CDK19: variants seen among roughly 807,000 people sequenced by gnomAD.
CDK19 encodes the protein cyclin-dependent kinase 19.
A neutral mutation model predicts 68.3 loss-of-function variants in CDK19; 20 were observed. The ratio of observed to expected loss-of-function variants is 0.29; its 90% CI spans 0.21 to 0.43. The LOEUF is 0.43. Among genes scored for constraint, CDK19 ranks in the 20% least tolerant of loss-of-function variants. The pLI is 1.00. For missense variants in CDK19, 339 were observed against 623.5 expected (o/e 0.54, Z 4.86); for synonymous variants, 221 against 222.8 (o/e 0.99, Z 0.07).
intron 1 of CDK19, among the ~76,000 whole-genome samples, chr6:110,800,170 G>T (rs1359244902): frequency 6.6e-6 from 1 of 152,136 alleles, no homozygotes; most frequent in Non-Finnish European, 1.5e-5. Context: ...TAAAAATTGG[G>T]AAGTAGCAAT....
Position 110,815,417 on chromosome 6 carries a change from T to A in CDK19, c.-281A>T. On this transcript the variant is annotated 5_prime_UTR_variant, in exon 1 of 13. An upstream open reading frame in the 5' UTR gains an earlier in-frame stop. Transcript: ENST00000368911. ...GCCTCCCTCCTTCATTTCCTTGTTT[T>A]GGAACCTGGTGGGCCGCGCCGTGGC... The A allele has an allele frequency of 3.5e-6, 1 of 285,112 alleles. No homozygotes were observed. Among genetic ancestry groups the A allele is most frequent in the Non-Finnish European group, 6.5e-6 (1 of 154,710 alleles). 17.7% of individuals were successfully genotyped at this position (285,112 alleles called of 1,614,324 possible).
intron 1 of CDK19, among the ~76,000 whole-genome samples, chr6:110,795,692 G>T (rs1216717579): frequency 7.2e-5 from 11 of 152,010 alleles, no homozygotes; most frequent in East Asian, 1.9e-4. Context: ...AGATATTAAG[G>T]ACCAAGATTT....
chr6:110,786,182 G>T (rs1189307541), intron 1 of CDK19, among the ~76,000 whole-genome samples: 2 of 152,056 alleles, frequency 1.3e-5, no homozygotes, highest in Admixed American at 6.6e-5. Context: ...CATTTTGCCA[G>T]CTTGTCTAAC....
chr6:110,801,212 G>C (rs1388749416), intron 1 of CDK19, among the ~76,000 whole-genome samples: 1 of 152,104 alleles, frequency 6.6e-6, no homozygotes, highest in Non-Finnish European at 1.5e-5. Flanking sequence ...GGGGGAAGGA[G>C]CTGGCTCACA....
intron 1 of CDK19, among the ~76,000 whole-genome samples, chr6:110,810,500 TA>T (rs1362753187): frequency 6.6e-6 from 1 of 152,054 alleles, no homozygotes; most frequent in Non-Finnish European, 1.5e-5. Context: ...CATGGCCAGG[TA>T]AGGTGGCTCA....
At chr6:110,765,492 C>A (rs981143838) in intron 1 of CDK19, among the ~76,000 whole-genome samples, 41 of 152,060 alleles carry the variant, frequency 2.7e-4, no homozygotes, top group African/African-American at 9.9e-4. Flanking sequence ...TCCTGCCCAA[C>A]AACATGGTGA....
intron 1 of CDK19, among the ~76,000 whole-genome samples, chr6:110,781,840 G>GAA (rs375862176): frequency 2.1e-4 from 21 of 101,298 alleles, no homozygotes; most frequent in Admixed American, 1.3e-3. Flanking sequence ...TGTCTCAAAT[G>GAA]AAAAAAAAAA....
intron 2 of CDK19, among the ~76,000 whole-genome samples, chr6:110,692,807 G>T (rs568639691): frequency 6.6e-6 from 1 of 152,278 alleles, no homozygotes. Context: ...GACCAGCCTG[G>T]CCAACATGGC....
chr6:110,720,686 G>C (rs1775800071), intron 2 of CDK19, among the ~76,000 whole-genome samples: 1 of 151,950 alleles, frequency 6.6e-6, no homozygotes, highest in Non-Finnish European at 1.5e-5. Flanking sequence ...GGCCAACATG[G>C]TGAAACCCTG....
chr6:110,628,312 A>G (rs1046838807), intron 6 of CDK19, among the ~76,000 whole-genome samples: 1 of 152,232 alleles, frequency 6.6e-6, no homozygotes, highest in African/African-American at 2.4e-5. Flanking sequence ...AAACAAGGAA[A>G]AAGGTTAATT....
chr6:110,662,953 G>A (rs1781706643), intron 4 of CDK19, among the ~76,000 whole-genome samples: 1 of 151,818 alleles, frequency 6.6e-6, no homozygotes, highest in African/African-American at 2.4e-5. Context: ...TTAAATTCTA[G>A]GATTCGAATG....
At chr6:110,773,945 C>CAA (rs1418913284) in intron 1 of CDK19, 2 of 152,138 alleles carry the variant, frequency 1.3e-5, no homozygotes, top group Non-Finnish European at 2.9e-5. Flanking sequence ...AATCTATGAA[C>CAA]ACAGCAGAGG....
intron 2 of CDK19, among the ~76,000 whole-genome samples, chr6:110,733,390 G>A (rs1776908750): frequency 6.6e-6 from 1 of 152,084 alleles, no homozygotes; most frequent in South Asian, 2.1e-4. Context: ...GGGCTATTAT[G>A]AATAAAGCTG....
intron 5 of CDK19, among the ~76,000 whole-genome samples, chr6:110,634,902 G>A (rs571535223): frequency 3.3e-5 from 5 of 152,148 alleles, no homozygotes; most frequent in East Asian, 3.9e-4. Context: ...CTACTCACTC[G>A]CAGATGCAAT....
chr6:110,815,698 T>A (rs995431034), upstream of CDK19: 1 of 152,472 alleles, frequency 6.6e-6, no homozygotes, highest in Non-Finnish European at 1.5e-5. Context: ...CAGTGTGCTT[T>A]CTGCGGTTCT....
At chr6:110,776,096 T>C (rs1255032210) in intron 1 of CDK19, among the ~76,000 whole-genome samples, 4 of 152,238 alleles carry the variant, frequency 2.6e-5, no homozygotes, top group Non-Finnish European at 5.9e-5. Context: ...CAGTGCATTC[T>C]ATTTAAATTA....
At chr6:110,704,109 G>C (rs1774238021) in intron 2 of CDK19, among the ~76,000 whole-genome samples, 1 of 152,202 alleles carries the variant, frequency 6.6e-6, no homozygotes, top group African/African-American at 2.4e-5. Flanking sequence ...GTCAAAGGAT[G>C]TGTTTGTTCT....
At chr6:110,783,562 C>T (rs753700806) in intron 1 of CDK19, among the ~76,000 whole-genome samples, 20 of 149,052 alleles carry the variant, frequency 1.3e-4, no homozygotes, top group Non-Finnish European at 2.5e-4. Flanking sequence ...CGCATGAACC[C>T]AGGAGGTGGA....
chr6:110,640,897 G>C (rs1997009), intron 4 of CDK19, among the ~76,000 whole-genome samples: 42,827 of 152,074 alleles, frequency 0.28, 6,557 homozygotes, highest in African/African-American at 0.4. Context: ...GTCGAGGCTA[G>C]AGTGAGCTGT....
Sources: gnomAD v4.1 joint callset for allele counts (sites outside exome capture counted in the v4.1 genomes callset) on GRCh38, gnomAD v4.1.1 for gene constraint, MANE v1.5 for transcripts, NCBI Gene and HGNC (gene_info 2026-07-23, HGNC 2026-07-21) for gene names.